Variants in COL15A1 observed in about 807,000 individuals in gnomAD.
COL15A1 encodes collagen type XV alpha 1 chain.
COL15A1 carries 111 observed loss-of-function variants against 165.9 expected under a neutral mutation model. The observed-to-expected ratio is 0.67, with a 90% CI of 0.57 to 0.78. COL15A1 has a LOEUF of 0.78. Among genes scored for constraint, COL15A1 ranks in the 30% least tolerant of loss-of-function variants. COL15A1 has a pLI of 0.00. For missense variants in COL15A1, 1,745 were observed against 1,789.7 expected, an observed-to-expected ratio of 0.98 and a Z score of 0.45; for synonymous variants, 659 against 674.8, an observed-to-expected ratio of 0.98 and a Z score of 0.36.
intron 36 of COL15A1, among the ~76,000 whole-genome samples, chr9:99,061,724 C>T (rs1163997867): frequency 6.6e-6 from 1 of 152,156 alleles, no homozygotes. Flanking sequence ...ATAATATTGT[C>T]ATTTTTGTTT....
chr9:99,010,617 G>A (rs945601781), intron 9 of COL15A1, among the ~76,000 whole-genome samples: 10 of 152,110 alleles, frequency 6.6e-5, no homozygotes, highest in East Asian at 1.9e-4. Flanking sequence ...ACCTTCTGTC[G>A]GCGGGAACAC....
chr9:99,057,786 G>A (rs1825745906), intron 35 of COL15A1, among the ~76,000 whole-genome samples: 1 of 152,124 alleles, frequency 6.6e-6, no homozygotes, highest in Admixed American at 6.5e-5. Context: ...TGTTTGGCTT[G>A]GCAGGAGCCA....
At position 99,038,713 on chromosome 9, in the gene COL15A1, C is replaced by T. The variant is rs762070018; in HGVS notation, c.2455C>T (p.Pro819Ser). 6.2e-7 allele frequency: 1 copy of T among 1,610,392 alleles called. No individual in the cohort carries two copies. Among genetic ancestry groups the T allele is most frequent in the South Asian group, 1.1e-5 (1 of 90,954 alleles). ...THGFMNFSDI[P>S]ELVGPPGPDG... is the part of the protein sequence containing the mutation. ...TGGATTCATGAATTTCTCGGACATT[C>T]CTGAGCTGGTGGGGCCTCCGGTTGG... The change falls in exon 22 of 42, where the codon CCT becomes TCT. Residue 819 changes from proline to serine, a missense_variant. By Grantham distance (74) the Pro-to-Ser change is moderately conservative (BLOSUM62 -1). Transcript: ENST00000375001.
Position 99,059,788 on chromosome 9 carries a change from T to C in COL15A1, c.3338-101T>C, listed in dbSNP as rs1417064419. The C allele has an allele frequency of 8.5e-6, 11 of 1,301,278 alleles. No individual in the cohort carries two copies. The East Asian group carries it at 2.6e-4, about 31-fold the overall frequency. The allele number at this position is 1,301,278 out of a possible 1,614,324, so 80.6% of individuals were successfully genotyped here. On this transcript the variant is annotated intron_variant, in intron 35 of 41. Transcript: ENST00000375001. Reference sequence around the variant, plus strand: ...GAAGTTGGGATGCTTTGTGGCGCTGTGAATGGGGTTGAACACACTTCTCTC... The same window carrying C: ...GAAGTTGGGATGCTTTGTGGCGCTGCGAATGGGGTTGAACACACTTCTCTC...
Position 99,044,855 on chromosome 9 carries a change from G to A in COL15A1, c.2679+85G>A, listed in dbSNP as rs751357489. On this transcript the variant is annotated intron_variant, in intron 26 of 41. Coordinates refer to ENST00000375001, the MANE Select transcript of COL15A1 (RefSeq NM_001855.5). The stretch of plus-strand genomic sequence containing the variant: ...TGATTTGGTTAGATTTAGTTGTCCC[G>A]GTTATGAAAATTCAAAGATGTGGCA... The A allele has an allele frequency of 2.4e-4, 318 of 1,305,312 alleles. 2 individuals carry two copies. The highest frequency in any genetic ancestry group is 2.9e-4 in the South Asian group (24 of 82,724). 80.9% of individuals were successfully genotyped at this position (1,305,312 alleles called of 1,614,324 possible).
At chr9:98,983,018 CTAAT>C (rs145832620) in intron 2 of COL15A1, among the ~76,000 whole-genome samples, 2,495 of 152,334 alleles carry the variant, frequency 0.016, 57 homozygotes, top group African/African-American at 0.057. Context: ...ACGCTATAGG[CTAAT>C]TACTCGCTTT....
chr9:98,967,611 C>T (rs1357752018), intron 2 of COL15A1, among the ~76,000 whole-genome samples: 2 of 152,238 alleles, frequency 1.3e-5, no homozygotes, highest in African/African-American at 4.8e-5. Flanking sequence ...GGCTTGAATG[C>T]TGTGCTATGA....
chr9:98,986,715 T>G (rs1285071510), intron 3 of COL15A1, among the ~76,000 whole-genome samples: 1 of 152,260 alleles, frequency 6.6e-6, no homozygotes, highest in Non-Finnish European at 1.5e-5. Flanking sequence ...TGATGTCTCG[T>G]TGGTGAACAG....
chr9:99,026,618 T>C (rs1164056448), intron 16 of COL15A1, among the ~76,000 whole-genome samples: 2 of 152,218 alleles, frequency 1.3e-5, no homozygotes, highest in Non-Finnish European at 2.9e-5. Flanking sequence ...TCTGCCCAAA[T>C]GCTCTGGGCA....
chr9:99,031,521 C>T (rs35820760), intron 16 of COL15A1, among the ~76,000 whole-genome samples: 7,125 of 152,192 alleles, frequency 0.047, 233 homozygotes, highest in Non-Finnish European at 0.07. Context: ...GAGATTGTTG[C>T]GTGGGGGTTG....
At chr9:98,977,820 C>T (rs1014456420) in intron 2 of COL15A1, among the ~76,000 whole-genome samples, 6 of 152,204 alleles carry the variant, frequency 3.9e-5, no homozygotes, top group African/African-American at 1.4e-4. Context: ...CATTGAATCC[C>T]CACATGGGAA....
chr9:99,058,136 T>C (rs1055582412), intron 35 of COL15A1, among the ~76,000 whole-genome samples: 10 of 152,218 alleles, frequency 6.6e-5, no homozygotes, highest in Non-Finnish European at 1.5e-4. Flanking sequence ...CCACATCCTC[T>C]GCACAGCGGG....
chr9:99,046,918 A>T (rs924469800), intron 26 of COL15A1, among the ~76,000 whole-genome samples: 1 of 152,104 alleles, frequency 6.6e-6, no homozygotes, highest in Non-Finnish European at 1.5e-5. Context: ...TTACGTACTG[A>T]CCCTGTTTCA....
chr9:98,988,298 G>A (rs1838352267), intron 4 of COL15A1, among the ~76,000 whole-genome samples: 1 of 152,224 alleles, frequency 6.6e-6, no homozygotes, highest in South Asian at 2.1e-4. Context: ...TGACAGTCAT[G>A]TGATGCTGAT....
Position 99,038,678 on chromosome 9 carries a change from A to T in COL15A1, c.2420A>T (p.Asn807Ile), listed in dbSNP as rs1489965409. 5 of 1,605,282 alleles carry T rather than the reference A, an allele frequency of 3.1e-6. No individual in the cohort carries two copies. The highest frequency in any genetic ancestry group is 3.4e-6 in the Non-Finnish European group (4 of 1,172,072). ...HIKVLSNSLI[N>I]ITHGFMNFSD... is the part of the protein sequence containing the mutation. The stretch of plus-strand genomic sequence containing the variant: ...TTTTTCTCTTTTCAGTCCTTGATCA[A>T]TATCACCCATGGATTCATGAATTTC... The change falls in exon 22 of 42, where the codon AAT (asparagine) becomes ATT (isoleucine). Residue 807 changes from asparagine to isoleucine, a missense_variant. Asn to Ile is a moderately radical substitution (Grantham distance 149, BLOSUM62 -3). Coordinates refer to ENST00000375001, the MANE Select transcript of COL15A1 (RefSeq NM_001855.5).
chr9:99,015,030 C>CT (rs138708602), intron 9 of COL15A1, among the ~76,000 whole-genome samples: 9,062 of 152,086 alleles, frequency 0.06, 383 homozygotes, highest in Non-Finnish European at 0.088. Flanking sequence ...AAGTATGTAG[C>CT]TTTTTTTTAT....
At position 98,958,380 on chromosome 9, in the gene COL15A1, T is replaced by C. The variant is rs535429842; in HGVS notation, c.100+14130T>C. Among the ~76,000 whole-genome samples the C allele has an allele frequency of 3.9e-5, 6 of 152,314 alleles. No homozygotes were observed. In the East Asian group the frequency reaches 1.2e-3, roughly 29 times the overall value. ...TCACTGCTGAGCACATCCTGCACTG[T>C]CATCCCATTCACAAAGTGGGATACA... On this transcript the variant is annotated intron_variant, in intron 2 of 41. Coordinates refer to ENST00000375001, the MANE Select transcript of COL15A1 (RefSeq NM_001855.5).
At chr9:99,059,980 A>G in intron 36 of COL15A1, 27 bp downstream of exon 36, 1 of 1,610,048 alleles carries the variant, frequency 6.2e-7, no homozygotes, top group Non-Finnish European at 8.5e-7. Context: ...GTGTGTAGTC[A>G]TCATTCCATT....
chr9:98,964,700 G>A (rs182520173), intron 2 of COL15A1, among the ~76,000 whole-genome samples: 15 of 152,256 alleles, frequency 9.9e-5, no homozygotes, highest in East Asian at 9.7e-4. Context: ...GCCATCTTCC[G>A]GGTCATGGGA....
Sources: gnomAD v4.1 joint callset for allele counts (sites outside exome capture counted in the v4.1 genomes callset) on GRCh38, gnomAD v4.1.1 for gene constraint, MANE v1.5 for transcripts, NCBI Gene and HGNC (gene_info 2026-07-23, HGNC 2026-07-21) for gene names.